The following POTEF variants were observed in gnomAD, a reference collection of about 807,000 sequenced individuals.
The protein encoded by POTEF is ANKRD26-like family C member 1B.
A neutral mutation model predicts 83.2 loss-of-function variants in POTEF; 20 were observed. The ratio of observed to expected loss-of-function variants is 0.24; its 90% CI spans 0.17 to 0.35. POTEF has a LOEUF of 0.35. Ranked by LOEUF, POTEF falls within the 10% of genes least tolerant of loss-of-function variation. The pLI, the probability that POTEF is intolerant of heterozygous loss-of-function variation, is 1.00. For missense variants in POTEF, 550 were observed against 1,203.2 expected, an observed-to-expected ratio of 0.46 and a Z score of 8.03; for synonymous variants, 196 against 446.4, an observed-to-expected ratio of 0.44 and a Z score of 7.07.
In POTEF at chr2:130,129,190, C is replaced by G. The variant is rs1181178554; in HGVS notation, c.-368G>C. ...GCCTCCAGCATGCCGCTCCCTTCTACTCGTCTTCCTGCCTGGCAGGAGAAG... is the reference window on the plus strand; with the variant it reads ...GCCTCCAGCATGCCGCTCCCTTCTAGTCGTCTTCCTGCCTGGCAGGAGAAG... On this transcript the variant is annotated 5_prime_UTR_variant, in exon 1 of 17. Coordinates refer to ENST00000409914, the MANE Select transcript of POTEF (RefSeq NM_001099771.2). The G allele has an allele frequency of 7.8e-6, 1 of 128,222 alleles. No individual in the cohort carries two copies. The highest frequency in any genetic ancestry group is 1.6e-5 in the Non-Finnish European group (1 of 60,954). The allele number at this position is 128,222 out of a possible 1,614,324, so 7.9% of individuals were successfully genotyped here.
chr2:130,111,775 A>AT (rs1346643151), intron 6 of POTEF, among the ~76,000 whole-genome samples: 2 of 147,776 alleles, frequency 1.4e-5, no homozygotes, highest in Non-Finnish European at 3.0e-5. Context: ...AAAATGTCAC[A>AT]TAACAAATAA....
rs959309840 is a variant in POTEF at position 130,113,584 on chromosome 2, C to T, written c.810+1297G>A. Among the ~76,000 whole-genome samples the T allele has an allele frequency of 9.1e-5, 9 of 99,358 alleles. 1 individual carries two copies. The Admixed American group carries it at 1.2e-3, about 13-fold the overall frequency. 65.2% of individuals were successfully genotyped at this position (99,358 alleles called of 152,430 possible). On this transcript the variant is annotated intron_variant, in intron 5 of 16. Coordinates refer to ENST00000409914, the MANE Select transcript of POTEF (RefSeq NM_001099771.2). ...CTCATTATGTTGACCAGGCTAGACTCGAACTCCTGAGCTCAAGCAATCCTC... is the reference window on the plus strand; with the variant it reads ...CTCATTATGTTGACCAGGCTAGACTTGAACTCCTGAGCTCAAGCAATCCTC...
intron 1 of POTEF, among the ~76,000 whole-genome samples, chr2:130,128,228 G>T (rs569520009): frequency 2.3e-4 from 35 of 150,200 alleles, no homozygotes; most frequent in African/African-American, 8.4e-4. Flanking sequence ...ATCCCCACCC[G>T]GTAGTCCCAG....
chr2:130,117,499 G>T (rs1290218622), intron 3 of POTEF, among the ~76,000 whole-genome samples: 2 of 151,872 alleles, frequency 1.3e-5, no homozygotes, highest in Non-Finnish European at 2.9e-5. Flanking sequence ...AAACAAGTTT[G>T]ATTATATTTT....
rs1684961267 is a variant in POTEF, at chr2:130,120,177, G to A, written c.339C>T (p.Ser113=). ...CTCCCCAAGCGCCCACCTTGCTCTT[G>A]CTGCTCCCCCTGCAGCAGGGGAAGC... ...CHCFPCCRGS[S]KSKVGAWGDY... The change falls in exon 3 of 17, where the codon AGC becomes AGT. Residue 113 remains serine (S), a synonymous_variant. Coordinates refer to ENST00000409914, the MANE Select transcript of POTEF (RefSeq NM_001099771.2). 1 of 1,603,708 alleles carries A rather than the reference G, an allele frequency of 6.2e-7. No individual in the cohort carries two copies. The highest frequency in any genetic ancestry group is 8.5e-7 in the Non-Finnish European group (1 of 1,176,996).
Position 130,120,045 on chromosome 2 carries a change from G to A in POTEF, c.471C>T (p.Leu157=), listed in dbSNP as rs767969584. The change falls in exon 3 of 17, where the codon CTC becomes CTT. Residue 157 remains leucine, a synonymous_variant. Coordinates refer to ENST00000409914, the MANE Select transcript of POTEF (RefSeq NM_001099771.2). The stretch of plus-strand genomic sequence containing the variant: ...CGTCAGTGTCCCTGAGCATGACGAT[G>A]AGATCCTTTCTGGGGACTTTACCCC... ...AWWGKVPRKD[L]IVMLRDTDVN... is the part of the protein sequence containing the mutation. The A allele has an allele frequency of 6.4e-7, 1 of 1,553,094 alleles. No homozygotes were observed. Among genetic ancestry groups the A allele is most frequent in the Non-Finnish European group, 8.7e-7 (1 of 1,145,418 alleles).
chr2:130,075,079 G>A lies in POTEF; in HGVS notation c.2393C>T (p.Pro798Leu). ...HTFYNELRVAPEEHPVLLTEA... is the reference protein window; with the variant it reads ...HTFYNELRVALEEHPVLLTEA... ...GGTCAGCAGGACGGGGTGCTCCTCG[G>A]GAGCCACACGCAGCTCGTTGTAGAA... Residue 798 changes from proline to leucine, a missense_variant, in exon 17 of 17, where the codon CCC becomes CTC. Pro to Leu is a moderately conservative substitution (Grantham distance 98, BLOSUM62 -3). Transcript: ENST00000409914. The A allele has an allele frequency of 1.2e-6, 2 of 1,613,804 alleles. No homozygotes were observed. Among genetic ancestry groups the A allele is most frequent in the Non-Finnish European group, 1.7e-6 (2 of 1,179,960 alleles).
At chr2:130,128,085 G>A (rs2104715896) in intron 1 of POTEF, among the ~76,000 whole-genome samples, 1 of 146,704 alleles carries the variant, frequency 6.8e-6, no homozygotes, top group East Asian at 2.0e-4. Context: ...GGCCCACCAG[G>A]GCTGCACTCC....
At chr2:130,126,514 C>T (rs540853979) in intron 2 of POTEF, among the ~76,000 whole-genome samples, 5 of 152,164 alleles carry the variant, frequency 3.3e-5, no homozygotes, top group East Asian at 3.9e-4. Flanking sequence ...CTACTTACAA[C>T]GCATTAGCCC....
intron 15 of POTEF, among the ~76,000 whole-genome samples, chr2:130,078,404 T>G (rs1683873504): frequency 1.2e-5 from 1 of 85,856 alleles, no homozygotes. Context: ...AAAAAGTGAG[T>G]GATCTATATA....
intron 8 of POTEF, among the ~76,000 whole-genome samples, chr2:130,103,738 T>G (rs1573604589): frequency 6.7e-6 from 1 of 148,172 alleles, no homozygotes; most frequent in East Asian, 2.0e-4. Flanking sequence ...AGCAGAGACT[T>G]AAATATTGAG....
Position 130,074,218 on chromosome 2 carries a change from T to C in POTEF, c.*26A>G. 6.2e-7 allele frequency: 1 copy of C among 1,608,428 alleles called. No individual in the cohort carries two copies. The highest frequency in any genetic ancestry group is 8.5e-7 in the Non-Finnish European group (1 of 1,178,162). Reference sequence around the variant, plus strand: ...GAAGTTTGGTTTTGTCAAGAAAGGGTGTAACGCAACTAAGTCAGAGTCCAC... The same window carrying C: ...GAAGTTTGGTTTTGTCAAGAAAGGGCGTAACGCAACTAAGTCAGAGTCCAC... On this transcript the variant is annotated 3_prime_UTR_variant, in exon 17 of 17. Coordinates refer to ENST00000409914, the MANE Select transcript of POTEF (RefSeq NM_001099771.2).
At chr2:130,116,367 G>A (rs1017737641) in intron 3 of POTEF, among the ~76,000 whole-genome samples, 11 of 148,878 alleles carry the variant, frequency 7.4e-5, no homozygotes, top group African/African-American at 2.0e-4. Flanking sequence ...ACATTCAGGG[G>A]TACACGTGCC....
chr2:130,076,230 G>T (rs1683800407), intron 16 of POTEF, among the ~76,000 whole-genome samples: 1 of 128,440 alleles, frequency 7.8e-6, no homozygotes, highest in South Asian at 2.5e-4. Context: ...ACTCATTTAA[G>T]ATCGCGATTC....
intron 2 of POTEF, among the ~76,000 whole-genome samples, chr2:130,127,123 C>T (rs1685110524): frequency 6.6e-6 from 1 of 151,548 alleles, no homozygotes; most frequent in Admixed American, 6.6e-5. Flanking sequence ...TGATCTAGAC[C>T]ATCCTGGCTA....
intron 8 of POTEF, among the ~76,000 whole-genome samples, chr2:130,103,098 CTTTCTTTTTTT>C (rs1370380560): frequency 8.2e-6 from 1 of 122,434 alleles, no homozygotes; most frequent in Non-Finnish European, 1.7e-5. Flanking sequence ...ATTTTTCTTT[CTTTCTTTTTTT>C]TTTTTTTTTT....
Position 130,101,113 on chromosome 2 carries a change from T to C in POTEF, c.1198-393A>G, listed in dbSNP as rs1261425949. On this transcript the variant is annotated intron_variant, in intron 9 of 16. Transcript: ENST00000409914. ...GTAGTGTTGCAAAACCTTCCTCACT[T>C]GAAAAGAGTTTACCTCATGAAACCC... is the stretch of plus-strand genomic sequence containing the variant. Among the ~76,000 whole-genome samples the C allele has an allele frequency of 2.5e-5, 3 of 120,502 alleles. 1 individual carries two copies. The highest frequency in any genetic ancestry group is 1.1e-4 in the African/African-American group (3 of 27,570). The allele number at this position is 120,502 out of a possible 152,430, so 79.1% of individuals were successfully genotyped here.
chr2:130,127,306 A>C (rs1685121421), intron 2 of POTEF, among the ~76,000 whole-genome samples: 1 of 130,324 alleles, frequency 7.7e-6, no homozygotes, highest in African/African-American at 3.1e-5. Context: ...GCCTGGGCAA[A>C]AGAGCGAGAC....
At chr2:130,096,941 CAA>C in intron 11 of POTEF, among the ~76,000 whole-genome samples, 1 of 141,894 alleles carries the variant, frequency 7.0e-6, no homozygotes. Flanking sequence ...AACTCCGTCT[CAA>C]AAAAAGAAAA....
Sources: allele counts gnomAD v4.1 joint callset (sites outside exome capture counted in the v4.1 genomes callset), GRCh38; gene constraint gnomAD v4.1.1; transcripts MANE v1.5; gene names NCBI Gene and HGNC (gene_info 2026-07-23, HGNC 2026-07-21).